PASD1: variants seen among roughly 807,000 people sequenced by gnomAD.
PASD1 encodes circadian clock protein PASD1.
A neutral mutation model predicts 58.8 loss-of-function variants in PASD1; 13 were observed. The ratio of observed to expected loss-of-function variants is 0.22; its 90% CI spans 0.14 to 0.35. The LOEUF (loss-of-function observed/expected upper bound fraction) is 0.35. PASD1 is among the 10% of genes least tolerant of loss of function. PASD1 has a pLI of 1.00. For missense variants in PASD1, 734 were observed against 568.3 expected (o/e 1.29, Z -2.96); for synonymous variants, 236 against 216.7 (o/e 1.09, Z -0.78).
intron 1 of PASD1, among the ~76,000 whole-genome samples, chrX:151,598,694 T>C (rs961769659): frequency 4.5e-5 from 5 of 112,239 alleles, no homozygotes; most frequent in Admixed American, 1.9e-4. Flanking sequence ...TTTTAAAAAT[T>C]AGTTTCATTG....
chrX:151,593,939 A>G (rs1347607751), intron 1 of PASD1, among the ~76,000 whole-genome samples: 1 of 111,583 alleles, frequency 9.0e-6, no homozygotes, highest in Non-Finnish European at 1.9e-5. Context: ...AACAATCCTA[A>G]ACTACATTTG....
intron 1 of PASD1, among the ~76,000 whole-genome samples, chrX:151,588,608 T>C (rs2013202988): frequency 9.0e-6 from 1 of 111,356 alleles, no homozygotes; most frequent in African/African-American, 3.3e-5. Flanking sequence ...GCTGAAATAG[T>C]ACTCATTCTG....
At chrX:151,639,081 C>G (rs932797970) in intron 8 of PASD1, among the ~76,000 whole-genome samples, 1 of 112,029 alleles carries the variant, frequency 8.9e-6, no homozygotes, top group African/African-American at 3.2e-5. Context: ...GTGTTGTATT[C>G]CCTTTTGTCT....
At chrX:151,656,994 T>C (rs972590462) in intron 9 of PASD1, among the ~76,000 whole-genome samples, 1 of 111,646 alleles carries the variant, frequency 9.0e-6, no homozygotes, top group African/African-American at 3.3e-5. Context: ...GGCTGTGGGT[T>C]TGTCATAAAT....
chrX:151,642,540 A>G (rs1337726337), intron 8 of PASD1, among the ~76,000 whole-genome samples: 1 of 112,384 alleles, frequency 8.9e-6, no homozygotes, highest in Non-Finnish European at 1.9e-5. Flanking sequence ...ACAGAATTTC[A>G]GGATTTCATA....
intron 1 of PASD1, among the ~76,000 whole-genome samples, chrX:151,580,508 CTTTTTTTTT>C (rs200293926): frequency 2.7e-4 from 18 of 67,160 alleles, no homozygotes; most frequent in African/African-American, 7.7e-4. Flanking sequence ...TTCTTTTTTT[CTTTTTTTTT>C]TTTTTTTTTG....
In PASD1 at chrX:151,631,848, T is replaced by G. The variant is rs746796635; in HGVS notation, c.629+6318T>G. Among the ~76,000 whole-genome samples, 15 of 112,200 alleles carry G rather than the reference T, an allele frequency of 1.3e-4. No homozygotes were observed. In the East Asian group the frequency reaches 3.7e-3, roughly 27 times the overall value. On this transcript the variant is annotated intron_variant, in intron 8 of 15. Transcript: ENST00000370357. Reference sequence around the variant, plus strand: ...TACTATACCGTATTGACTCCATTCCTTATGTCTGTCCCATCTTGAGCAGAG... The same window carrying G: ...TACTATACCGTATTGACTCCATTCCGTATGTCTGTCCCATCTTGAGCAGAG...
chrX:151,594,068 G>T lies in PASD1; in HGVS notation c.-27-7459G>T, dbSNP rs189197948. On this transcript the variant is annotated intron_variant, in intron 1 of 15. Coordinates refer to ENST00000370357, the MANE Select transcript of PASD1 (RefSeq NM_173493.3). ...GGCTCACTGCAATCTCGGCCTCCTG[G>T]ATTCATGCCATTCTCCTGCCTCAGC... 4.3e-4 allele frequency among the ~76,000 whole-genome samples: 48 copies of T among 110,961 alleles called. 1 individual carries two copies. The Admixed American group carries it at 4.6e-3, about 11-fold the overall frequency.
At chrX:151,567,815 G>A (rs929643172) in intron 1 of PASD1, among the ~76,000 whole-genome samples, 1 of 111,937 alleles carries the variant, frequency 8.9e-6, no homozygotes, top group Non-Finnish European at 1.9e-5. Flanking sequence ...TCTGCCTGCC[G>A]GGCTCAAGCG....
At chrX:151,666,757 G>A (rs542371866) in intron 11 of PASD1, among the ~76,000 whole-genome samples, 2 of 102,369 alleles carry the variant, frequency 2.0e-5, no homozygotes, top group African/African-American at 7.3e-5. Flanking sequence ...GTGTATATGG[G>A]CCACATTTTC....
chrX:151,578,270 G>T (rs748869871), intron 1 of PASD1: 1 of 112,003 alleles, frequency 8.9e-6, no homozygotes, highest in East Asian at 2.8e-4. Context: ...TTTTATTTTT[G>T]CTTAATCCTG....
rs751805239 is a variant in PASD1 at position 151,655,906 on chromosome X, G to A, written c.718-3807G>A. Among the ~76,000 whole-genome samples the A allele has an allele frequency of 2.7e-5, 3 of 112,097 alleles. No homozygotes were observed. The South Asian group carries it at 1.1e-3, about 42-fold the overall frequency. The stretch of plus-strand genomic sequence containing the variant: ...GGCTTTTGTTGCCATTGCTTTTGGT[G>A]TTTTAGACATGAAGTCCTTGCCCAT... On this transcript the variant is annotated intron_variant, in intron 9 of 15. Transcript: ENST00000370357.
chrX:151,564,717 TA>T (rs72264125), intron 1 of PASD1, among the ~76,000 whole-genome samples: 11,550 of 97,576 alleles, frequency 0.12, 1,052 homozygotes, highest in African/African-American at 0.3. Context: ...CTACAAAAAT[TA>T]AAAAAAAAAA....
chrX:151,566,979 G>A (rs756610434), intron 1 of PASD1, among the ~76,000 whole-genome samples: 44 of 108,986 alleles, frequency 4.0e-4, no homozygotes, highest in African/African-American at 1.4e-3. Flanking sequence ...GGGAGGTGGA[G>A]GTTGTGGTGA....
intron 11 of PASD1, among the ~76,000 whole-genome samples, chrX:151,670,448 T>C: frequency 1.8e-5 from 2 of 112,239 alleles, no homozygotes; most frequent in Middle Eastern, 4.6e-3. Flanking sequence ...CACTCTCTAC[T>C]TTTATAAACC....
intron 9 of PASD1, among the ~76,000 whole-genome samples, chrX:151,653,196 ATTT>A (rs1256565605): frequency 4.7e-5 from 4 of 84,674 alleles, no homozygotes; most frequent in Non-Finnish European, 7.1e-5. Context: ...ATATATATAT[ATTT>A]TTTTTTTTTT....
chrX:151,570,850 G>A (rs1473998004), intron 1 of PASD1, among the ~76,000 whole-genome samples: 1 of 112,340 alleles, frequency 8.9e-6, no homozygotes, highest in East Asian at 2.8e-4. Context: ...TTCTTTTACT[G>A]TGGATTGTCA....
At chrX:151,661,372 C>T (rs1421913584) in intron 10 of PASD1, among the ~76,000 whole-genome samples, 1 of 111,387 alleles carries the variant, frequency 9.0e-6, no homozygotes, top group Non-Finnish European at 1.9e-5. Flanking sequence ...CCCCAGGCTG[C>T]AGAAAGCAGA....
At position 151,604,731 on chromosome X, in the gene PASD1, A is replaced by G; in HGVS notation, c.114A>G (p.Leu38=). ...ATGATTACTTCAACCAAGTGACGCT[A>G]CAGGTAAGAGGGCTTTTGTTCTTTG... The part of the protein sequence containing the change: ...PTYDYFNQVT[L]QLLDGFMITL... Residue 38 remains leucine (L), a synonymous_variant, in exon 3 of 16, where the codon CTA becomes CTG. Transcript: ENST00000370357. 1.7e-6 allele frequency: 2 copies of G among 1,195,857 alleles called. No homozygotes were observed. Among genetic ancestry groups the G allele is most frequent in the Non-Finnish European group, 2.3e-6 (2 of 881,860 alleles).
Sources: allele counts gnomAD v4.1 joint callset (sites outside exome capture counted in the v4.1 genomes callset), GRCh38; gene constraint gnomAD v4.1.1; transcripts MANE v1.5; gene names NCBI Gene and HGNC (gene_info 2026-07-23, HGNC 2026-07-21).